Variants in CACNA2D3 observed in about 807,000 individuals in gnomAD.
CACNA2D3 encodes voltage-dependent calcium channel subunit alpha-2/delta-3.
Under a neutral mutation model 160.6 loss-of-function variants are expected in CACNA2D3, and 60 were observed. The observed-to-expected ratio is 0.37, with a 90% CI of 0.30 to 0.46. CACNA2D3 has a LOEUF of 0.46. Ranked by LOEUF, CACNA2D3 falls within the 20% of genes least tolerant of loss-of-function variation. The pLI is 1.00. For missense variants in CACNA2D3, 1,205 were observed against 1,365.0 expected, an observed-to-expected ratio of 0.88 and a Z score of 1.85; for synonymous variants, 558 against 492.9, an observed-to-expected ratio of 1.13 and a Z score of -1.75.
intron 18 of CACNA2D3, among the ~76,000 whole-genome samples, chr3:54,878,103 C>T (rs17054499): frequency 0.029 from 4,432 of 152,216 alleles, 226 homozygotes; most frequent in African/African-American, 0.1. Context: ...TCTAGACAGC[C>T]TCGAATCAAA....
chr3:54,795,295 T>C (rs1469303240), intron 13 of CACNA2D3, among the ~76,000 whole-genome samples: 2 of 152,192 alleles, frequency 1.3e-5, no homozygotes, highest in South Asian at 2.1e-4. Context: ...CCCTTTATTG[T>C]GTTCATGTTT....
At chr3:54,870,802 G>C in intron 17 of CACNA2D3, among the ~76,000 whole-genome samples, 1 of 152,150 alleles carries the variant, frequency 6.6e-6, no homozygotes, top group East Asian at 1.9e-4. Context: ...GTACTGCTGT[G>C]GCCAGTGTGA....
chr3:54,363,634 A>G (rs1698781691), intron 3 of CACNA2D3, among the ~76,000 whole-genome samples: 1 of 152,150 alleles, frequency 6.6e-6, no homozygotes, highest in Non-Finnish European at 1.5e-5. Flanking sequence ...TGCCTGTGTC[A>G]TTGTTTATTG....
At chr3:54,205,385 A>G (rs913010359) in intron 2 of CACNA2D3, among the ~76,000 whole-genome samples, 2 of 152,096 alleles carry the variant, frequency 1.3e-5, no homozygotes, top group South Asian at 2.1e-4. Context: ...GATCCACTGC[A>G]CCCAGCTGCA....
chr3:54,895,701 C>T (rs1245836497), intron 25 of CACNA2D3, among the ~76,000 whole-genome samples: 1 of 152,164 alleles, frequency 6.6e-6, no homozygotes, highest in Non-Finnish European at 1.5e-5. Context: ...CTTGATTGGT[C>T]TCCCTTCCAG....
intron 6 of CACNA2D3, among the ~76,000 whole-genome samples, chr3:54,565,050 T>G (rs1267831858): frequency 6.6e-6 from 1 of 152,140 alleles, no homozygotes; most frequent in Admixed American, 6.5e-5. Flanking sequence ...CAGTGGGGGT[T>G]CCAGGGGAGG....
chr3:55,061,855 C>T (rs530512953), intron 35 of CACNA2D3, among the ~76,000 whole-genome samples: 68 of 152,290 alleles, frequency 4.5e-4, no homozygotes, highest in Middle Eastern at 3.4e-3. Flanking sequence ...ACTAGCTCCT[C>T]AGAAGCACCT....
intron 13 of CACNA2D3, among the ~76,000 whole-genome samples, chr3:54,791,359 C>T (rs539999086): frequency 2.4e-4 from 37 of 152,290 alleles, no homozygotes; most frequent in Non-Finnish European, 4.3e-4. Flanking sequence ...CAGATGTATT[C>T]AGAGCAGATG....
chr3:54,757,580 C>G (rs1233113306), intron 12 of CACNA2D3, among the ~76,000 whole-genome samples: 1 of 152,092 alleles, frequency 6.6e-6, no homozygotes, highest in Non-Finnish European at 1.5e-5. Context: ...ATTTAAATAC[C>G]TTTTTGTAGT....
At chr3:54,239,556 G>A (rs1345983158) in intron 2 of CACNA2D3, among the ~76,000 whole-genome samples, 1 of 152,230 alleles carries the variant, frequency 6.6e-6, no homozygotes, top group Non-Finnish European at 1.5e-5. Context: ...AGGTGTCCAA[G>A]CCAAAAGTGT....
intron 2 of CACNA2D3, among the ~76,000 whole-genome samples, chr3:54,224,294 A>G (rs957438385): frequency 2.0e-5 from 3 of 152,080 alleles, no homozygotes; most frequent in African/African-American, 7.2e-5. Flanking sequence ...TTTTTAATGA[A>G]GTAGAAGGAG....
At chr3:54,425,193 G>A (rs536049163) in intron 4 of CACNA2D3, among the ~76,000 whole-genome samples, 2 of 152,188 alleles carry the variant, frequency 1.3e-5, no homozygotes, top group African/African-American at 2.4e-5. Flanking sequence ...TTAGCCAGGC[G>A]TGGTGGCAGG....
At chr3:54,507,643 T>C (rs1374541853) in intron 5 of CACNA2D3, among the ~76,000 whole-genome samples, 1 of 152,156 alleles carries the variant, frequency 6.6e-6, no homozygotes, top group Non-Finnish European at 1.5e-5. Flanking sequence ...AAGAAACTTT[T>C]TGAGAGGAGA....
At chr3:54,702,712 C>T (rs981060741) in intron 11 of CACNA2D3, among the ~76,000 whole-genome samples, 2 of 152,170 alleles carry the variant, frequency 1.3e-5, no homozygotes, top group Admixed American at 6.5e-5. Flanking sequence ...AACTACTATT[C>T]AACCCAGCAA....
At chr3:54,662,131 C>T (rs1355630132) in intron 11 of CACNA2D3, among the ~76,000 whole-genome samples, 2 of 151,970 alleles carry the variant, frequency 1.3e-5, no homozygotes, top group African/African-American at 2.4e-5. Context: ...TTCGTTAGCA[C>T]ATAGTAGCTG....
At chr3:54,478,660 G>GTGTATGTATATA in intron 4 of CACNA2D3, among the ~76,000 whole-genome samples, 367 of 36,382 alleles carry the variant, frequency 0.01, 32 homozygotes, top group African/African-American at 0.025. Context: ...ATATGTGTGT[G>GTGTATGTATATA]TATATATATA....
intron 11 of CACNA2D3, among the ~76,000 whole-genome samples, chr3:54,675,611 GGGA>G (rs892415914): frequency 6.6e-6 from 1 of 152,256 alleles, no homozygotes; most frequent in South Asian, 2.1e-4. Context: ...CTGAAGTAGA[GGGA>G]GGAGACGCAG....
chr3:54,611,024 G>A (rs926586560), intron 9 of CACNA2D3, among the ~76,000 whole-genome samples: 2 of 152,134 alleles, frequency 1.3e-5, no homozygotes, highest in Non-Finnish European at 2.9e-5. Context: ...CAGCATTCAT[G>A]TCCCAGTCTT....
intron 4 of CACNA2D3, among the ~76,000 whole-genome samples, chr3:54,477,945 A>G (rs1053595561): frequency 5.3e-5 from 8 of 152,164 alleles, no homozygotes; most frequent in East Asian, 3.9e-4. Flanking sequence ...CTTTCTTTCA[A>G]TTAACCCCTC....
Sources: gnomAD v4.1 joint callset for allele counts (sites outside exome capture counted in the v4.1 genomes callset) on GRCh38, gnomAD v4.1.1 for gene constraint, MANE v1.5 for transcripts, NCBI Gene and HGNC (gene_info 2026-07-23, HGNC 2026-07-21) for gene names.